ZNF486: variants seen among roughly 807,000 people sequenced by gnomAD.
ZNF486 encodes KRAB box only protein 2.
Under a neutral mutation model 12.8 loss-of-function variants are expected in ZNF486, and 12 were observed. That is an observed-to-expected ratio of 0.94 (90% CI 0.60 to 1.52). ZNF486 has a LOEUF of 1.52. Ranked by LOEUF, ZNF486 falls within the 40% of genes most tolerant of loss-of-function variation. The pLI is 0.00. For synonymous variants in ZNF486, 231 were observed against 184.9 expected (o/e 1.25, Z -2.02); for missense variants, 738 against 545.0 (o/e 1.35, Z -3.53).
intron 1 of ZNF486, among the ~76,000 whole-genome samples, chr19:20,169,208 G>A (rs977542948): frequency 6.6e-6 from 1 of 151,984 alleles, no homozygotes; most frequent in Non-Finnish European, 1.5e-5. Flanking sequence ...TCTACCTCCT[G>A]GGTTCAAGGG....
In ZNF486 at chr19:20,195,865, A is replaced by T. The variant is rs996895119; in HGVS notation, c.254-1099A>T. On this transcript the variant is annotated intron_variant, in intron 3 of 3. Coordinates refer to ENST00000335117, the MANE Select transcript of ZNF486 (RefSeq NM_052852.4). ...TTACCTTTAGACTCAGCAAACTCAA[A>T]CTGTCATTCCAATGTATATCACCAT... is the stretch of plus-strand genomic sequence containing the variant. 2.0e-5 allele frequency among the ~76,000 whole-genome samples: 3 copies of T among 152,164 alleles called. 1 individual carries two copies. Among genetic ancestry groups the T allele is most frequent in the South Asian group, 4.1e-4 (2 of 4,824 alleles).
At chr19:20,167,418 C>G in intron 1 of ZNF486, 58 bp downstream of exon 1, 1 of 1,587,906 alleles carries the variant, frequency 6.3e-7, no homozygotes, top group South Asian at 1.1e-5. Context: ...TGGGAAGTGG[C>G]TGTGGAGGGA....
chr19:20,181,715 T>G (rs1412034994), intron 1 of ZNF486, among the ~76,000 whole-genome samples: 1 of 152,172 alleles, frequency 6.6e-6, no homozygotes, highest in Non-Finnish European at 1.5e-5. Flanking sequence ...AGAATAAAAT[T>G]TTCTCTAAAT....
At chr19:20,170,157 G>A (rs111946241) in intron 1 of ZNF486, among the ~76,000 whole-genome samples, 491 of 151,578 alleles carry the variant, frequency 3.2e-3, no homozygotes, top group Middle Eastern at 6.9e-3. Context: ...TCGGCCTCCC[G>A]AAGTGCTGGG....
intron 3 of ZNF486, among the ~76,000 whole-genome samples, chr19:20,189,325 C>T (rs2089880362): frequency 6.6e-6 from 1 of 152,164 alleles, no homozygotes; most frequent in Non-Finnish European, 1.5e-5. Context: ...CCACCTTGGC[C>T]TCCCAAAGTG....
At chr19:20,181,409 G>C (rs1233995654) in intron 1 of ZNF486, among the ~76,000 whole-genome samples, 32 of 152,104 alleles carry the variant, frequency 2.1e-4, no homozygotes, top group Non-Finnish European at 1.2e-4. Flanking sequence ...TGTGGTGGTG[G>C]GCGCCTGTAG....
chr19:20,195,099 T>A (rs1355277284), intron 3 of ZNF486, among the ~76,000 whole-genome samples: 1 of 152,134 alleles, frequency 6.6e-6, no homozygotes, highest in African/African-American at 2.4e-5. Context: ...CTTGAACTGC[T>A]GACCTCAAAT....
At chr19:20,171,022 T>G (rs2089642357) in intron 1 of ZNF486, among the ~76,000 whole-genome samples, 1 of 152,224 alleles carries the variant, frequency 6.6e-6, no homozygotes, top group South Asian at 2.1e-4. Flanking sequence ...GTGACTGGCA[T>G]CTGCAGTGAG....
rs1162856205 is a variant in ZNF486 at position 20,200,150 on chromosome 19, T to C, written c.*2048T>C. The C allele has an allele frequency of 1.3e-5, 2 of 152,132 alleles. No homozygotes were observed. Among genetic ancestry groups the C allele is most frequent in the Non-Finnish European group, 2.9e-5 (2 of 68,040 alleles). The allele number at this position is 152,132 out of a possible 1,614,324, so 9.4% of individuals were successfully genotyped here. A position where few individuals can be genotyped will look rare whatever the true frequency, so the allele number is the denominator to read the frequency against. ...GTAATGACATAATACAGCTTTCAAA[T>C]TACTTTATGCTGTTATTTTATTCTT... On this transcript the variant is annotated 3_prime_UTR_variant, in exon 4 of 4. Coordinates refer to ENST00000335117, the MANE Select transcript of ZNF486 (RefSeq NM_052852.4).
rs1599713347 is a variant in ZNF486 at position 20,190,065 on chromosome 19, C to G, written c.253+3983C>G. On this transcript the variant is annotated intron_variant, in intron 3 of 3. Transcript: ENST00000335117. ...CATTTTTTGAAGATATTACTTTTCT[C>G]TATTTTGTACTCATAGCAACTTTTT... Among the ~76,000 whole-genome samples the G allele has an allele frequency of 2.6e-5, 4 of 152,110 alleles. No individual in the cohort carries two copies. The East Asian group carries it at 7.7e-4, about 29-fold the overall frequency.
chr19:20,175,126 G>A (rs944681162), intron 1 of ZNF486: 5 of 152,236 alleles, frequency 3.3e-5, no homozygotes, highest in Non-Finnish European at 4.4e-5. Flanking sequence ...AAATTCTTCT[G>A]AAAATCTGCC....
At chr19:20,193,257 CTTATA>C (rs557249625) in intron 3 of ZNF486, among the ~76,000 whole-genome samples, 15 of 149,518 alleles carry the variant, frequency 1.0e-4, no homozygotes, top group African/African-American at 3.4e-4. Flanking sequence ...TTACATATTT[CTTATA>C]TTTTATTAAA....
chr19:20,180,273 G>A (rs1350760142), intron 1 of ZNF486, among the ~76,000 whole-genome samples: 1 of 152,156 alleles, frequency 6.6e-6, no homozygotes, highest in Non-Finnish European at 1.5e-5. Context: ...CCAGATCAGA[G>A]TTTCTCCAGT....
intron 3 of ZNF486, chr19:20,188,461 A>T (rs868918399): frequency 5.0e-6 from 2 of 398,540 alleles, no homozygotes; most frequent in South Asian, 2.5e-4. Context: ...ACACAGGAGG[A>T]TCCCTGGAGC....
chr19:20,185,265 A>G (rs1284942037), intron 2 of ZNF486, among the ~76,000 whole-genome samples: 1 of 152,098 alleles, frequency 6.6e-6, no homozygotes, highest in Non-Finnish European at 1.5e-5. Flanking sequence ...ATGGTATAGT[A>G]AATAAGATTT....
Position 20,197,506 on chromosome 19 carries a change from T to C in ZNF486, c.796T>C (p.Tyr266His). Residue 266 changes from tyrosine (Y) to histidine (H), a missense_variant, in exon 4 of 4, where the codon TAC (tyrosine) becomes CAC (histidine). Transcript: ENST00000335117. ...HKKIHSGEKP[Y>H]ICEECGKAFM... ...GAAAATTCATAGTGGAGAGAAACCC[T>C]ACATTTGTGAAGAATGTGGCAAAGC... is the stretch of plus-strand genomic sequence containing the variant. The C allele has an allele frequency of 6.2e-7, 1 of 1,609,516 alleles. No homozygotes were observed. The highest frequency in any genetic ancestry group is 1.1e-5 in the South Asian group (1 of 90,698).
chr19:20,174,825 ATATAT>A (rs1395890281), intron 1 of ZNF486, among the ~76,000 whole-genome samples: 35 of 152,244 alleles, frequency 2.3e-4, no homozygotes, highest in African/African-American at 8.4e-4. Flanking sequence ...AAAATGCTAC[ATATAT>A]TATGACTAGT....
At chr19:20,169,297 A>G (rs2089620273) in intron 1 of ZNF486, among the ~76,000 whole-genome samples, 1 of 152,034 alleles carries the variant, frequency 6.6e-6, no homozygotes, top group African/African-American at 2.4e-5. Flanking sequence ...TGTGTTTACT[A>G]GGGGTTTCTC....
intron 1 of ZNF486, among the ~76,000 whole-genome samples, chr19:20,174,452 G>A (rs2089683317): frequency 6.6e-6 from 1 of 150,980 alleles, no homozygotes; most frequent in African/African-American, 2.4e-5. Flanking sequence ...GCAGTGGCAT[G>A]ATCTCATCTC....
Sources: gnomAD v4.1 joint callset for allele counts (sites outside exome capture counted in the v4.1 genomes callset) on GRCh38, gnomAD v4.1.1 for gene constraint, MANE v1.5 for transcripts, NCBI Gene and HGNC (gene_info 2026-07-23, HGNC 2026-07-21) for gene names.